Variants in RBFOX1 observed in about 807,000 individuals in gnomAD.
RBFOX1 encodes RNA binding protein fox-1 homolog 1.
A neutral mutation model predicts 57.7 loss-of-function variants in RBFOX1; 8 were observed. The ratio of observed to expected loss-of-function variants is 0.14; its 90% CI spans 0.08 to 0.25. The LOEUF (loss-of-function observed/expected upper bound fraction) is 0.25. RBFOX1 is among the 10% of genes least tolerant of loss of function. The pLI is 1.00. For synonymous variants in RBFOX1, 326 were observed against 222.4 expected, an observed-to-expected ratio of 1.47 and a Z score of -4.15; for missense variants, 611 against 548.5, an observed-to-expected ratio of 1.11 and a Z score of -1.14.
chr16:5,865,504 G>A (rs990292222), intron 3 of RBFOX1, among the ~76,000 whole-genome samples: 1 of 152,262 alleles, frequency 6.6e-6, no homozygotes, highest in Non-Finnish European at 1.5e-5. Context: ...CTCCTGTTTA[G>A]AGGGCTAATG....
intron 3 of RBFOX1, among the ~76,000 whole-genome samples, chr16:6,690,014 A>G (rs1603426064): frequency 6.6e-6 from 1 of 152,202 alleles, no homozygotes; most frequent in African/African-American, 2.4e-5. Context: ...ATGATAAACA[A>G]GTTAATCTTC....
At chr16:6,551,039 G>T (rs185237853) in intron 2 of RBFOX1, among the ~76,000 whole-genome samples, 1 of 152,254 alleles carries the variant, frequency 6.6e-6, no homozygotes, top group Admixed American at 6.5e-5. Flanking sequence ...GATGGATTTT[G>T]TTTCTCTTGG....
intron 1 of RBFOX1, among the ~76,000 whole-genome samples, chr16:5,437,367 A>G (rs1451544372): frequency 6.6e-6 from 1 of 152,186 alleles, no homozygotes; most frequent in African/African-American, 2.4e-5. Context: ...ACAATTTGGT[A>G]TGATATACCG....
intron 3 of RBFOX1, among the ~76,000 whole-genome samples, chr16:6,865,961 A>G (rs2059840027): frequency 6.6e-6 from 1 of 152,210 alleles, no homozygotes; most frequent in Admixed American, 6.5e-5. Context: ...TGTCTAAATC[A>G]CATAAGAAAT....
At chr16:6,572,603 T>G (rs1010680814) in intron 2 of RBFOX1, among the ~76,000 whole-genome samples, 1 of 151,930 alleles carries the variant, frequency 6.6e-6, no homozygotes, top group African/African-American at 2.4e-5. Context: ...TCTCTGTCTT[T>G]TTTTTTTTAG....
At chr16:7,382,889 C>T (rs962684843) in intron 4 of RBFOX1, among the ~76,000 whole-genome samples, 4 of 152,168 alleles carry the variant, frequency 2.6e-5, no homozygotes, top group Admixed American at 1.3e-4. Context: ...TGTAAGCTGC[C>T]TACATCAAGT....
chr16:6,118,656 C>G (rs1366764297), intron 1 of RBFOX1, among the ~76,000 whole-genome samples: 2 of 149,972 alleles, frequency 1.3e-5, no homozygotes, highest in African/African-American at 2.5e-5. Context: ...TTCTCTTTCC[C>G]TCTCCTTCCT....
chr16:5,882,561 C>A (rs958951993), intron 4 of RBFOX1, among the ~76,000 whole-genome samples: 7 of 152,116 alleles, frequency 4.6e-5, no homozygotes, highest in Non-Finnish European at 1.0e-4. Context: ...GAGCAGAGAC[C>A]TGGAGGGCTC....
At chr16:6,473,965 C>G (rs138065942) in intron 2 of RBFOX1, among the ~76,000 whole-genome samples, 2 of 152,250 alleles carry the variant, frequency 1.3e-5, no homozygotes, top group Middle Eastern at 3.4e-3. Flanking sequence ...GCTTCCTGGA[C>G]CAGTTACTAG....
At chr16:5,263,553 A>G (rs1373610972) in intron 1 of RBFOX1, among the ~76,000 whole-genome samples, 2 of 152,114 alleles carry the variant, frequency 1.3e-5, no homozygotes, top group African/African-American at 4.8e-5. Context: ...TGAAATGAGG[A>G]GTGAAGGTGG....
rs774180511 is a variant in RBFOX1 at position 7,303,258 on chromosome 16, CGCTTCGGT to C, written c.28-214885_28-214878del. Among the ~76,000 whole-genome samples the C allele has an allele frequency of 1.1e-4, 17 of 152,372 alleles. No homozygotes were observed. The Middle Eastern group carries it at 0.017, about 153-fold the overall frequency. On this transcript the variant is annotated intron_variant, in intron 4 of 15. Coordinates refer to ENST00000550418, the MANE Select transcript of RBFOX1 (RefSeq NM_018723.4). ...CCCCAAACGCCCGGGGGTGCATCGG[CGCTTCGGT>C]GCTCTGCTGGGGGGCGCAGAAACCT...
At chr16:7,085,590 T>G (rs916356974) in intron 4 of RBFOX1, among the ~76,000 whole-genome samples, 3 of 152,208 alleles carry the variant, frequency 2.0e-5, no homozygotes, top group African/African-American at 7.2e-5. Context: ...AATGAACATA[T>G]GCCTGCAAAA....
chr16:5,798,594 T>G (rs889511840), intron 3 of RBFOX1, among the ~76,000 whole-genome samples: 11 of 152,224 alleles, frequency 7.2e-5, no homozygotes, highest in African/African-American at 2.2e-4. Context: ...CAACAGGAAC[T>G]GGACGTTGGG....
chr16:7,159,666 G>GC (rs1567509729), intron 4 of RBFOX1, among the ~76,000 whole-genome samples: 1 of 152,140 alleles, frequency 6.6e-6, no homozygotes, highest in Non-Finnish European at 1.5e-5. Flanking sequence ...CGCACAATTT[G>GC]CAGAAGGCAG....
At chr16:5,460,704 C>A (rs532824855) in intron 1 of RBFOX1, among the ~76,000 whole-genome samples, 11 of 152,358 alleles carry the variant, frequency 7.2e-5, no homozygotes, top group African/African-American at 2.4e-4. Context: ...GGGCTGACTG[C>A]TGTTTCCTCC....
chr16:6,939,630 A>C (rs564322877), intron 3 of RBFOX1, among the ~76,000 whole-genome samples: 1 of 151,582 alleles, frequency 6.6e-6, no homozygotes, highest in African/African-American at 2.4e-5. Flanking sequence ...TCATGCCTCA[A>C]CCACCTGAGT....
intron 3 of RBFOX1, among the ~76,000 whole-genome samples, chr16:6,859,123 ATATATACATATATATACG>A (rs1264284507): frequency 2.9e-5 from 2 of 68,994 alleles, no homozygotes; most frequent in African/African-American, 1.8e-4. Context: ...ATATATATAT[ATATATACATATATATACG>A]TATATATATA....
rs373603810 is a variant in RBFOX1, at chr16:5,574,509, G to A, written c.259-24393G>A. 3.3e-3 allele frequency among the ~76,000 whole-genome samples: 507 copies of A among 151,548 alleles called. 7 individuals carry two copies. Among genetic ancestry groups the A allele is most frequent in the African/African-American group, 0.012 (482 of 41,336 alleles). On this transcript the variant is annotated intron_variant, in intron 2 of 2. Transcript: ENST00000585867. The stretch of plus-strand genomic sequence containing the variant: ...TGGCTCACTGCAACCTCCACCTCCC[G>A]GGTTCAAGTGATTCTCGTGCCTCAG...
At chr16:5,288,508 AC>A (rs1391230701) in intron 1 of RBFOX1, among the ~76,000 whole-genome samples, 2 of 152,204 alleles carry the variant, frequency 1.3e-5, no homozygotes, top group African/African-American at 2.4e-5. Context: ...CATTAAAAAA[AC>A]AAAAGGTCTT....
Sources: gnomAD v4.1 joint callset for allele counts (sites outside exome capture counted in the v4.1 genomes callset) on GRCh38, gnomAD v4.1.1 for gene constraint, MANE v1.5 for transcripts, NCBI Gene and HGNC (gene_info 2026-07-23, HGNC 2026-07-21) for gene names.